Variants in TBC1D22A observed in about 807,000 individuals in gnomAD.
The protein encoded by TBC1D22A is TBC1 domain family member 22A, also known as putative GTPase activator.
TBC1D22A carries 38 observed loss-of-function variants against 60.2 expected under a neutral mutation model. That is an observed-to-expected ratio of 0.63 (90% CI 0.49 to 0.83). The LOEUF (loss-of-function observed/expected upper bound fraction) is 0.83. Among genes scored for constraint, TBC1D22A ranks in the 40% least tolerant of loss-of-function variants. The pLI, the probability that TBC1D22A is intolerant of heterozygous loss-of-function variation, is 0.00. For missense variants in TBC1D22A, 628 were observed against 701.0 expected (o/e 0.90, Z 1.18); for synonymous variants, 302 against 281.7 (o/e 1.07, Z -0.72).
intron 12 of TBC1D22A, among the ~76,000 whole-genome samples, chr22:47,119,332 C>T (rs558740363): frequency 1.7e-4 from 26 of 152,234 alleles, no homozygotes; most frequent in African/African-American, 4.6e-4. Context: ...CTTGGCACTC[C>T]GTCTCACAGA....
intron 4 of TBC1D22A, among the ~76,000 whole-genome samples, chr22:46,806,992 T>A (rs1179665953): frequency 6.6e-6 from 1 of 152,266 alleles, no homozygotes; most frequent in Non-Finnish European, 1.5e-5. Context: ...ATGGCCTGGA[T>A]ACTCTAGTAT....
chr22:46,933,817 CCACACGTGG>C (rs2071490897), intron 8 of TBC1D22A, among the ~76,000 whole-genome samples: 1 of 152,326 alleles, frequency 6.6e-6, no homozygotes, highest in Admixed American at 6.5e-5. Context: ...AATTAAGTAG[CCACACGTGG>C]CTTGGTTCTG....
chr22:47,162,845 G>T (rs1161622329), intron 12 of TBC1D22A, among the ~76,000 whole-genome samples: 2 of 149,322 alleles, frequency 1.3e-5, no homozygotes, highest in African/African-American at 2.5e-5. Flanking sequence ...GAGTGGGACT[G>T]CGGACCCGGT....
rs868059580 is a variant in TBC1D22A at position 47,070,034 on chromosome 22, A to G, written c.1329+32836A>G. 1.7e-3 allele frequency among the ~76,000 whole-genome samples: 189 copies of G among 109,994 alleles called. 2 individuals are homozygous for G. The highest frequency in any genetic ancestry group is 3.4e-3 in the African/African-American group (78 of 22,814). The allele number at this position is 109,994 out of a possible 152,430, so 72.2% of individuals were successfully genotyped here. On this transcript the variant is annotated intron_variant, in intron 11 of 12. Transcript: ENST00000337137. ...GTCCCCTGTTGTTTGGTTGGAGCGG[A>G]GCTGACCTGATGGTTCCAGGCTGTT...
At chr22:47,152,519 A>G (rs1181694999) in intron 12 of TBC1D22A, among the ~76,000 whole-genome samples, 8 of 152,094 alleles carry the variant, frequency 5.3e-5, no homozygotes, top group Non-Finnish European at 5.9e-5. Context: ...TTCACTAGAG[A>G]GTTTCTGGCC....
chr22:47,012,924 A>AG (rs1351603373), intron 10 of TBC1D22A, among the ~76,000 whole-genome samples: 1 of 152,150 alleles, frequency 6.6e-6, no homozygotes, highest in Non-Finnish European at 1.5e-5. Flanking sequence ...TTCGGAGCAG[A>AG]GGGTCCTCTG....
chr22:47,086,469 A>G (rs1446260529), intron 11 of TBC1D22A, among the ~76,000 whole-genome samples: 1 of 152,170 alleles, frequency 6.6e-6, no homozygotes, highest in Non-Finnish European at 1.5e-5. Flanking sequence ...CAAACAAACA[A>G]ACAAACAAAC....
intron 12 of TBC1D22A, among the ~76,000 whole-genome samples, chr22:47,115,594 T>C (rs572235819): frequency 1.1e-4 from 17 of 152,262 alleles, no homozygotes; most frequent in African/African-American, 3.6e-4. Flanking sequence ...CCTCTGTGGG[T>C]CATTTCACAG....
intron 12 of TBC1D22A, among the ~76,000 whole-genome samples, chr22:47,162,824 G>C (rs2068047006): frequency 7.7e-6 from 1 of 129,442 alleles, no homozygotes; most frequent in African/African-American, 3.2e-5. Context: ...CCGGTGCAGG[G>C]AGAGTCGGGG....
intron 9 of TBC1D22A, among the ~76,000 whole-genome samples, chr22:46,977,309 T>G (rs1307559210): frequency 2.0e-5 from 3 of 152,120 alleles, no homozygotes. Context: ...TCTACTTGTT[T>G]TCAGTAATTA....
At chr22:46,822,339 A>C (rs766166442) in intron 4 of TBC1D22A, among the ~76,000 whole-genome samples, 1 of 152,034 alleles carries the variant, frequency 6.6e-6, no homozygotes, top group Non-Finnish European at 1.5e-5. Context: ...TTGGGTTTTC[A>C]GCATTTTTTC....
At chr22:46,765,955 TTATGTG>T (rs754893485) in intron 1 of TBC1D22A, among the ~76,000 whole-genome samples, 3 of 113,312 alleles carry the variant, frequency 2.6e-5, no homozygotes, top group Non-Finnish European at 3.6e-5. Flanking sequence ...CCCAGCTAAT[TTATGTG>T]TGTGTGTGTG....
At chr22:46,874,031 C>A (rs994923724) in intron 4 of TBC1D22A, among the ~76,000 whole-genome samples, 5 of 152,140 alleles carry the variant, frequency 3.3e-5, no homozygotes, top group South Asian at 2.1e-4. Context: ...AGGTTGGTCT[C>A]AATCTCCTGA....
chr22:46,900,237 C>T (rs1351306376), intron 7 of TBC1D22A, among the ~76,000 whole-genome samples: 7 of 151,724 alleles, frequency 4.6e-5, no homozygotes, highest in South Asian at 2.1e-4. Context: ...CTGCAACCTC[C>T]GCCTCCTGGG....
At chr22:47,088,164 C>T (rs1175935114) in intron 11 of TBC1D22A, among the ~76,000 whole-genome samples, 1 of 152,118 alleles carries the variant, frequency 6.6e-6, no homozygotes, top group African/African-American at 2.4e-5. Context: ...AACCTCTTAT[C>T]TTCTGGCTGT....
intron 11 of TBC1D22A, among the ~76,000 whole-genome samples, chr22:47,070,620 T>C (rs2063949494): frequency 6.6e-6 from 1 of 151,542 alleles, no homozygotes; most frequent in Non-Finnish European, 1.5e-5. Context: ...CTGTCCCCTG[T>C]TGTTTGGCTG....
At chr22:46,921,184 C>T (rs1378487160) in intron 8 of TBC1D22A, among the ~76,000 whole-genome samples, 3 of 152,068 alleles carry the variant, frequency 2.0e-5, no homozygotes, top group Non-Finnish European at 1.5e-5. Flanking sequence ...TATTTAGTTA[C>T]CCAGGTAATA....
chr22:47,040,683 G>A (rs545144048), intron 11 of TBC1D22A, among the ~76,000 whole-genome samples: 1 of 152,258 alleles, frequency 6.6e-6, no homozygotes, highest in South Asian at 2.1e-4. Context: ...GGGCCCTGTG[G>A]GAGGTTACCC....
chr22:47,078,393 T>C (rs1350676930), intron 11 of TBC1D22A, among the ~76,000 whole-genome samples: 2 of 152,224 alleles, frequency 1.3e-5, no homozygotes, highest in African/African-American at 4.8e-5. Context: ...TGTATGCAAG[T>C]GTGCCCCCTC....
Sources: gnomAD v4.1 joint callset for allele counts (sites outside exome capture counted in the v4.1 genomes callset) on GRCh38, gnomAD v4.1.1 for gene constraint, MANE v1.5 for transcripts, NCBI Gene and HGNC (gene_info 2026-07-23, HGNC 2026-07-21) for gene names.